VWC2: variants seen among roughly 807,000 people sequenced by gnomAD.
VWC2 encodes von Willebrand factor C domain containing 2, also known as brorin.
VWC2 carries 14 observed loss-of-function variants against 29.8 expected under a neutral mutation model. The observed-to-expected ratio is 0.47, with a 90% confidence interval of 0.31 to 0.74. The LOEUF is 0.74. Among genes scored for constraint, VWC2 ranks in the 30% least tolerant of loss-of-function variants. The pLI, the probability that VWC2 is intolerant of heterozygous loss-of-function variation, is 0.05. For synonymous variants in VWC2, 213 were observed against 199.0 expected (o/e 1.07, Z -0.59); for missense variants, 457 against 459.8 (o/e 0.99, Z 0.05).
At chr7:49,791,897 C>G (rs1438667364) in intron 2 of VWC2, among the ~76,000 whole-genome samples, 1 of 152,196 alleles carries the variant, frequency 6.6e-6, no homozygotes, top group African/African-American at 2.4e-5. Context: ...AAGCCTGGCC[C>G]TCATGATTCT....
chr7:49,871,499 T>C (rs1791145862), intron 3 of VWC2, among the ~76,000 whole-genome samples: 2 of 152,156 alleles, frequency 1.3e-5, no homozygotes, highest in African/African-American at 4.8e-5. Context: ...TTGTTACAGA[T>C]GAGTTGGCTT....
intron 3 of VWC2, among the ~76,000 whole-genome samples, chr7:49,900,658 A>G (rs73336276): frequency 0.022 from 3,335 of 151,946 alleles, 145 homozygotes; most frequent in African/African-American, 0.076. Flanking sequence ...GATATAATCA[A>G]TAATTAACAT....
At chr7:49,819,093 G>A (rs999410969) in intron 3 of VWC2, among the ~76,000 whole-genome samples, 2 of 152,168 alleles carry the variant, frequency 1.3e-5, no homozygotes, top group African/African-American at 4.8e-5. Context: ...GCATCCAACA[G>A]CTTCCTCGCT....
intron 2 of VWC2, among the ~76,000 whole-genome samples, chr7:49,781,703 A>G (rs1387918290): frequency 1.3e-5 from 2 of 152,162 alleles, no homozygotes; most frequent in Non-Finnish European, 2.9e-5. Context: ...ACCCGGAAAA[A>G]GGAAAAGTTA....
intron 3 of VWC2, among the ~76,000 whole-genome samples, chr7:49,870,866 A>G (rs539250547): frequency 6.6e-6 from 1 of 152,370 alleles, no homozygotes; most frequent in Non-Finnish European, 1.5e-5. Flanking sequence ...AGAAACCATC[A>G]ACAAAACATA....
chr7:49,864,585 G>T (rs1305192062), intron 3 of VWC2, among the ~76,000 whole-genome samples: 1 of 152,200 alleles, frequency 6.6e-6, no homozygotes. Context: ...GTTGGCTGCA[G>T]GTTGTTGTCA....
chr7:49,843,542 A>C (rs576120), intron 3 of VWC2, among the ~76,000 whole-genome samples: 33,720 of 152,174 alleles, frequency 0.22, 5,703 homozygotes, highest in African/African-American at 0.47. Flanking sequence ...TCAAGTAAAA[A>C]ACAAACACCA....
At chr7:49,842,277 G>T (rs1405208926) in intron 3 of VWC2, among the ~76,000 whole-genome samples, 1 of 152,200 alleles carries the variant, frequency 6.6e-6, no homozygotes, top group Non-Finnish European at 1.5e-5. Context: ...CAGTGCCATA[G>T]CTCATGAGAG....
chr7:49,788,861 CGTGT>C (rs1177586415), intron 2 of VWC2, among the ~76,000 whole-genome samples: 1 of 96,006 alleles, frequency 1.0e-5, no homozygotes, highest in East Asian at 3.5e-4. Flanking sequence ...TGTGTGTGAG[CGTGT>C]GTGTGGGGGG....
chr7:49,798,662 C>T (rs1008178406), intron 2 of VWC2, among the ~76,000 whole-genome samples: 3 of 151,910 alleles, frequency 2.0e-5, no homozygotes, highest in Non-Finnish European at 4.4e-5. Context: ...GGCCTGAATC[C>T]AGCTGGGTCT....
At chr7:49,815,622 TAA>T (rs1789122370) in intron 3 of VWC2, among the ~76,000 whole-genome samples, 2 of 152,214 alleles carry the variant, frequency 1.3e-5, no homozygotes, top group Non-Finnish European at 2.9e-5. Context: ...ATTTTGAACA[TAA>T]TTTAAATGGT....
chr7:49,890,647 G>A (rs539948138), intron 3 of VWC2, among the ~76,000 whole-genome samples: 29 of 151,834 alleles, frequency 1.9e-4, no homozygotes, highest in Admixed American at 5.9e-4. Flanking sequence ...AGCCATGATG[G>A]AACAGGGTGC....
intron 3 of VWC2, among the ~76,000 whole-genome samples, chr7:49,907,484 A>G (rs577824935): frequency 6.6e-6 from 1 of 152,200 alleles, no homozygotes; most frequent in African/African-American, 2.4e-5. Context: ...TATATTAAGG[A>G]TTTTAATAAA....
chr7:49,884,770 G>GA (rs1041847608), intron 3 of VWC2, among the ~76,000 whole-genome samples: 40 of 150,548 alleles, frequency 2.7e-4, no homozygotes, highest in Admixed American at 2.3e-3. Flanking sequence ...CATAAACGGG[G>GA]AAAAAAATAA....
At chr7:49,843,501 G>A (rs569916670) in intron 3 of VWC2, among the ~76,000 whole-genome samples, 2 of 152,322 alleles carry the variant, frequency 1.3e-5, no homozygotes, top group South Asian at 2.1e-4. Flanking sequence ...CAGCTTACAA[G>A]CACTAATTCA....
intron 3 of VWC2, among the ~76,000 whole-genome samples, chr7:49,893,978 T>C (rs1792256163): frequency 6.6e-6 from 1 of 152,204 alleles, no homozygotes; most frequent in Admixed American, 6.5e-5. Context: ...CTCTCACTGC[T>C]TGGAGTTCTG....
Position 49,831,259 on chromosome 7 carries a change from C to T in VWC2, c.826+28419C>T, listed in dbSNP as rs574320283. On this transcript the variant is annotated intron_variant, in intron 3 of 3. Coordinates refer to ENST00000340652, the MANE Select transcript of VWC2 (RefSeq NM_198570.5). ...AATTTCTCATTTTTGAAGTCATTCT[C>T]ATTATTTTGATGCGGATTTTGTTTT... 2.6e-5 allele frequency among the ~76,000 whole-genome samples: 4 copies of T among 152,252 alleles called. No individual in the cohort carries two copies. The South Asian group carries it at 6.2e-4, about 24-fold the overall frequency.
intron 3 of VWC2, among the ~76,000 whole-genome samples, chr7:49,811,446 T>C (rs746408825): frequency 6.6e-6 from 1 of 152,208 alleles, no homozygotes; most frequent in Non-Finnish European, 1.5e-5. Context: ...CACTCTGCAC[T>C]TTTCCTTGCT....
At chr7:49,848,894 C>T (rs750720949) in intron 3 of VWC2, among the ~76,000 whole-genome samples, 2 of 152,194 alleles carry the variant, frequency 1.3e-5, no homozygotes, top group Non-Finnish European at 2.9e-5. Context: ...AGACAGAACA[C>T]ACCTCTAATA....
Sources: allele counts gnomAD v4.1 joint callset (sites outside exome capture counted in the v4.1 genomes callset), GRCh38; gene constraint gnomAD v4.1.1; transcripts MANE v1.5; gene names NCBI Gene and HGNC (gene_info 2026-07-23, HGNC 2026-07-21).